The following NFXL1 variants were observed in gnomAD, a reference collection of about 807,000 sequenced individuals.
NFXL1 encodes nuclear transcription factor, X-box binding like 1.
NFXL1 carries 66 observed loss-of-function variants against 123.3 expected under a neutral mutation model. The ratio of observed to expected loss-of-function variants is 0.54; its 90% CI spans 0.44 to 0.66. NFXL1 has a LOEUF of 0.66. Ranked by LOEUF, NFXL1 falls within the 30% of genes least tolerant of loss-of-function variation. The probability of loss-of-function intolerance (pLI) is 0.00; values close to 1 mark genes in which losing one functional copy is unlikely to be tolerated. For synonymous variants in NFXL1, 346 were observed against 360.8 expected (o/e 0.96, Z 0.46); for missense variants, 944 against 1,125.6 (o/e 0.84, Z 2.31).
intron 5 of NFXL1, among the ~76,000 whole-genome samples, 173 bp downstream of exon 5, chr4:47,903,020 T>G (rs1737413046): frequency 6.6e-6 from 1 of 152,094 alleles, no homozygotes; most frequent in Admixed American, 6.5e-5. Context: ...CCAGGCATAG[T>G]GACAGGTGCC....
chr4:47,891,414 G>A (rs951554939), intron 11 of NFXL1, among the ~76,000 whole-genome samples: 2 of 152,040 alleles, frequency 1.3e-5, no homozygotes, highest in African/African-American at 4.8e-5. Context: ...TCCTGGCTTC[G>A]TTTGGCAGTT....
intron 18 of NFXL1, among the ~76,000 whole-genome samples, chr4:47,872,248 G>A (rs969065340): frequency 6.6e-6 from 1 of 152,126 alleles, no homozygotes; most frequent in African/African-American, 2.4e-5. Flanking sequence ...TGGATCACGA[G>A]GTCAGGAGTT....
intron 4 of NFXL1, among the ~76,000 whole-genome samples, chr4:47,904,568 T>C (rs1255635721): frequency 6.6e-6 from 1 of 152,214 alleles, no homozygotes; most frequent in African/African-American, 2.4e-5. Context: ...AAATTTCTGA[T>C]TCACTCTACA....
Position 47,848,267 on chromosome 4 carries a change from C to T in NFXL1, c.2632G>A (p.Ala878Thr), listed in dbSNP as rs750764967. 2 of 1,612,232 alleles carry T rather than the reference C, an allele frequency of 1.2e-6. No individual in the cohort carries two copies. Among genetic ancestry groups the T allele is most frequent in the Middle Eastern group, 1.7e-4 (1 of 6,052 alleles). Residue 878 changes from alanine to threonine, a missense_variant, in exon 23 of 23, where the codon GCA becomes ACA. By Grantham distance (58) the Ala-to-Thr change is moderately conservative. Around this residue, in one of 4 missense-constraint regions of NFXL1, gnomAD observed 301 missense variants for 348.0 expected, o/e 0.86. Transcript: ENST00000507489. ...RKKNRKRDEV[A>T]VELSLWQKHK... ...TTTTGCCATAGTGATAGCTCAACTGCCACTTCATCTCTTTTCCTGTTCTTC... is the reference window on the plus strand; with the variant it reads ...TTTTGCCATAGTGATAGCTCAACTGTCACTTCATCTCTTTTCCTGTTCTTC...
chr4:47,848,204 C>A lies in NFXL1; in HGVS notation c.2695G>T (p.Val899Phe). ...YYLISVCGVV[V>F]VVFAWYITHD... is the part of the protein sequence containing the mutation. ...GTGATGTACCAGGCAAACACTACAACCACAACTCCACACACTGAAATGAGA... is the reference window on the plus strand; with the variant it reads ...GTGATGTACCAGGCAAACACTACAAACACAACTCCACACACTGAAATGAGA... Residue 899 changes from valine (V) to phenylalanine (F), a missense_variant, in exon 23 of 23, where the codon GTT becomes TTT. Val to Phe is a conservative substitution (Grantham distance 50, BLOSUM62 -1). Around this residue, in one of 4 missense-constraint regions of NFXL1, gnomAD observed 301 missense variants for 348.0 expected, o/e 0.86. Coordinates refer to ENST00000507489, the MANE Select transcript of NFXL1 (RefSeq NM_001278624.2). 6.2e-7 allele frequency: 1 copy of A among 1,610,710 alleles called. No individual in the cohort carries two copies. The highest frequency in any genetic ancestry group is 2.2e-5 in the East Asian group (1 of 44,800).
In NFXL1 at chr4:47,899,084, G is replaced by C. The variant is rs770039511; in HGVS notation, c.863C>G (p.Thr288Ser). The change falls in exon 7 of 23, where the codon ACT (threonine) becomes AGT (serine). Residue 288 changes from threonine to serine, a missense_variant. By Grantham distance (58) the Thr-to-Ser change is moderately conservative. This residue lies in a region of NFXL1 where 296 missense variants were observed against 395.1 expected (regional missense o/e 0.75). Transcript: ENST00000507489. ...AGGTTTTGCTTTCTTACAGTAACAA[G>C]TAGTTGTGACCATCTTTGGACAAGG... ...CPPCPKMVTT[T>S]CYCKKAKPIP... 1.3e-6 allele frequency: 2 copies of C among 1,557,788 alleles called. No individual in the cohort carries two copies. The highest frequency in any genetic ancestry group is 1.7e-6 in the Non-Finnish European group (2 of 1,151,312).
chr4:47,888,830 T>G lies in NFXL1; in HGVS notation c.1543+1783A>C, dbSNP rs932628938. 7.9e-5 allele frequency among the ~76,000 whole-genome samples: 12 copies of G among 152,336 alleles called. 1 individual carries two copies. Among genetic ancestry groups the G allele is most frequent in the Admixed American group, 6.5e-4 (10 of 15,302 alleles). On this transcript the variant is annotated intron_variant, in intron 12 of 22. Transcript: ENST00000507489. Reference sequence around the variant, plus strand: ...AACCAATTACAACATGTCAATTTTATTAGGTTTTTGAGTCTATAAACTGAT... The same window carrying G: ...AACCAATTACAACATGTCAATTTTAGTAGGTTTTTGAGTCTATAAACTGAT...
chr4:47,909,653 T>C (rs750544895), intron 3 of NFXL1, among the ~76,000 whole-genome samples: 4 of 150,724 alleles, frequency 2.7e-5, no homozygotes, highest in Admixed American at 2.0e-4. Context: ...AAATATTTCT[T>C]TCTTTCTTTT....
intron 19 of NFXL1, among the ~76,000 whole-genome samples, chr4:47,858,944 TGTAA>T (rs960345385): frequency 5.5e-4 from 84 of 152,330 alleles, no homozygotes; most frequent in African/African-American, 1.9e-3. Context: ...CTGTTAGATG[TGTAA>T]GTAAGTATAT....
intron 19 of NFXL1, among the ~76,000 whole-genome samples, chr4:47,855,716 T>C (rs557047617): frequency 6.6e-5 from 10 of 152,278 alleles, no homozygotes; most frequent in Admixed American, 1.3e-4. Context: ...TTATACGGTG[T>C]TATAACTGTT....
rs368898351 is a variant in NFXL1 at position 47,871,470 on chromosome 4, A to G, written c.2246+3657T>C. Among the ~76,000 whole-genome samples, 53 of 152,318 alleles carry G rather than the reference A, an allele frequency of 3.5e-4. 1 individual carries two copies. In the South Asian group the frequency reaches 0.011, roughly 32 times the overall value. ...AAATGGTCAAGGGTTTCATTAATGA[A>G]GCATCTGGGCACACATGCACGTGTG... On this transcript the variant is annotated intron_variant, in intron 18 of 22. Coordinates refer to ENST00000507489, the MANE Select transcript of NFXL1 (RefSeq NM_001278624.2).
chr4:47,849,902 A>C (rs969355753), intron 22 of NFXL1, among the ~76,000 whole-genome samples: 5 of 152,142 alleles, frequency 3.3e-5, no homozygotes, highest in African/African-American at 4.8e-5. Context: ...ATAACAATGT[A>C]AATGCTATGT....
intron 17 of NFXL1, among the ~76,000 whole-genome samples, chr4:47,876,574 C>A (rs1277088729): frequency 6.6e-6 from 1 of 152,046 alleles, no homozygotes; most frequent in Non-Finnish European, 1.5e-5. Context: ...CATTACTGAG[C>A]CTTTACAGGC....
At chr4:47,866,016 A>C (rs934173645) in intron 18 of NFXL1, among the ~76,000 whole-genome samples, 24 of 152,304 alleles carry the variant, frequency 1.6e-4, no homozygotes, top group Admixed American at 1.4e-3. Flanking sequence ...CCTTGTCTCA[A>C]AAAATAAAAA....
In NFXL1 at chr4:47,878,547, T is replaced by A. The variant is rs1735890834; in HGVS notation, c.2057A>T (p.Asp686Val). 1 of 1,594,004 alleles carries A rather than the reference T, an allele frequency of 6.3e-7. No homozygotes were observed. Among genetic ancestry groups the A allele is most frequent in the African/African-American group, 1.4e-5 (1 of 73,952 alleles). The change falls in exon 17 of 23, where the codon GAT becomes GTT. Residue 686 changes from aspartate to valine, a missense_variant. By Grantham distance (152) the Asp-to-Val change is radical (BLOSUM62 -3). Around this residue, in one of 4 missense-constraint regions of NFXL1, gnomAD observed 301 missense variants for 348.0 expected, o/e 0.86. Coordinates refer to ENST00000507489, the MANE Select transcript of NFXL1 (RefSeq NM_001278624.2). ...MKECHKVTKT[D>V]GCTGKNKAGP... is the part of the protein sequence containing the mutation. ...TACCTTGTTTTTTCCAGTGCAGCCA[T>A]CAGTTTTGGTTACTTTGTGGCATTC...
intron 14 of NFXL1, among the ~76,000 whole-genome samples, chr4:47,884,925 G>C (rs1033805872): frequency 6.6e-6 from 1 of 151,872 alleles, no homozygotes; most frequent in African/African-American, 2.4e-5. Flanking sequence ...TCAGGAGTTC[G>C]AGACCAGCCT....
In NFXL1 at chr4:47,914,216, G is replaced by GA. The variant is rs745663518; in HGVS notation, c.-2-12dup. On this transcript the variant is annotated splice_polypyrimidine_tract_variant and intron_variant, in intron 1 of 22. Transcript: ENST00000507489. ...AGGAAGCTTCCATCCCTGCAAAGGA[G>GA]AAAAAAAAAAAAAAGAGTGGAAGGA... The GA allele has an allele frequency of 0.12, 128,014 of 1,086,612 alleles. 8 individuals are homozygous for GA. Among genetic ancestry groups the GA allele is most frequent in the Non-Finnish European group, 0.13 (103,933 of 814,358 alleles). 67.3% of individuals were successfully genotyped at this position (1,086,612 alleles called of 1,614,324 possible).
rs3057881 is a variant in NFXL1, at chr4:47,899,138, C to CAAAAAAAAAAAA, written c.827-30_827-19dup. 1 of 1,043,436 alleles carries CAAAAAAAAAAAA rather than the reference C, an allele frequency of 9.6e-7. No homozygotes were observed. The highest frequency in any genetic ancestry group is 2.0e-5 in the African/African-American group (1 of 49,712). 64.6% of individuals were successfully genotyped at this position (1,043,436 alleles called of 1,614,324 possible). A position where few individuals can be genotyped will look rare whatever the true frequency, so the allele number is the denominator to read the frequency against. ...GCAGGGACCTAGAATTCAGTAAAAG[C>CAAAAAAAAAAAA]AAAAAAAAAAAAAAAAAAAAAATCT... On this transcript the variant is annotated intron_variant, in intron 6 of 22. Coordinates refer to ENST00000507489, the MANE Select transcript of NFXL1 (RefSeq NM_001278624.2).
chr4:47,885,076 G>T (rs1044564006), intron 14 of NFXL1, among the ~76,000 whole-genome samples: 3 of 148,558 alleles, frequency 2.0e-5, no homozygotes, highest in Non-Finnish European at 4.4e-5. Context: ...CAGTGACCCA[G>T]ATCACACCAC....
Sources: allele counts gnomAD v4.1 joint callset (sites outside exome capture counted in the v4.1 genomes callset), GRCh38; gene constraint gnomAD v4.1.1; regional missense constraint gnomAD v4.1.1; transcripts MANE v1.5; gene names NCBI Gene and HGNC (gene_info 2026-07-23, HGNC 2026-07-21).